EYS: variants seen among roughly 807,000 people sequenced by gnomAD.
The protein encoded by EYS is protein eyes shut homolog.
In EYS, 250 loss-of-function variants were observed where a neutral mutation model predicts 282.1. That is an observed-to-expected ratio of 0.89 (90% confidence interval 0.80 to 0.98). The LOEUF (loss-of-function observed/expected upper bound fraction) is 0.98, where lower values mean the gene tolerates loss of function less well. Ranked by LOEUF, EYS falls within the 50% of genes least tolerant of loss-of-function variation. The pLI, the probability that EYS is intolerant of heterozygous loss-of-function variation, is 0.00. For missense variants in EYS, 4,016 were observed against 3,709.0 expected, an observed-to-expected ratio of 1.08 and a Z score of -2.15; for synonymous variants, 1,355 against 1,282.9, an observed-to-expected ratio of 1.06 and a Z score of -1.20.
intron 26 of EYS, among the ~76,000 whole-genome samples, chr6:64,447,661 T>A (rs1775162435): frequency 6.6e-6 from 1 of 152,182 alleles, no homozygotes; most frequent in African/African-American, 2.4e-5. Flanking sequence ...TCAATAATAC[T>A]GAAATTAAAA....
intron 26 of EYS, among the ~76,000 whole-genome samples, chr6:64,483,187 C>T (rs1317776401): frequency 6.6e-6 from 1 of 151,486 alleles, no homozygotes; most frequent in Non-Finnish European, 1.5e-5. Flanking sequence ...AAGCCATGGA[C>T]AATATGTAAA....
intron 26 of EYS, among the ~76,000 whole-genome samples, chr6:64,444,495 A>G (rs1419955618): frequency 6.6e-6 from 1 of 152,208 alleles, no homozygotes; most frequent in Non-Finnish European, 1.5e-5. Flanking sequence ...TATTTTATAG[A>G]CTAAATTTTA....
chr6:63,846,450 G>A (rs907200488), intron 36 of EYS, among the ~76,000 whole-genome samples: 2 of 152,146 alleles, frequency 1.3e-5, no homozygotes, highest in South Asian at 4.1e-4. Flanking sequence ...ACAATTTCAA[G>A]TTGGTTTAAT....
Position 64,310,651 on chromosome 6 carries a change from T to A in EYS, c.6079-3569A>T, listed in dbSNP as rs547799574. 9.2e-5 allele frequency among the ~76,000 whole-genome samples: 14 copies of A among 152,198 alleles called. No homozygotes were observed. The South Asian group carries it at 1.5e-3, about 16-fold the overall frequency. On this transcript the variant is annotated intron_variant, in intron 29 of 42. Coordinates refer to ENST00000503581, the MANE Select transcript of EYS (RefSeq NM_001142800.2). ...ACTAATATGTACTAGGCTTAATACCTCAATGATGAAATAATCTGTACAACA... is the reference window on the plus strand; with the variant it reads ...ACTAATATGTACTAGGCTTAATACCACAATGATGAAATAATCTGTACAACA...
intron 14 of EYS, among the ~76,000 whole-genome samples, chr6:64,989,393 TAATATATATATATATATATATATG>T: frequency 3.8e-5 from 1 of 26,322 alleles, no homozygotes; most frequent in African/African-American, 2.2e-4. Context: ...TGGCTAGCTG[TAATATATATATATATATATATATG>T]AATATATATG....
At chr6:64,767,730 G>A (rs1583135009) in intron 22 of EYS, among the ~76,000 whole-genome samples, 1 of 152,064 alleles carries the variant, frequency 6.6e-6, no homozygotes, top group East Asian at 1.9e-4. Flanking sequence ...GTTGTGGATA[G>A]TGCTGCAATA....
intron 1 of EYS, among the ~76,000 whole-genome samples, chr6:65,656,140 C>A (rs547232630): frequency 6.6e-5 from 10 of 151,834 alleles, no homozygotes; most frequent in South Asian, 2.1e-4. Flanking sequence ...ATTCTGACTG[C>A]TCCACCCACT....
intron 38 of EYS, 88 bp downstream of exon 38, chr6:63,788,970 T>C: frequency 7.5e-7 from 1 of 1,338,162 alleles, no homozygotes; most frequent in Non-Finnish European, 1.0e-6. Context: ...GTAGGCATCA[T>C]GGGCTATTCA....
At chr6:64,562,055 C>A (rs991662671) in intron 26 of EYS, among the ~76,000 whole-genome samples, 9 of 151,662 alleles carry the variant, frequency 5.9e-5, no homozygotes, top group African/African-American at 1.9e-4. Context: ...GGCACATAGA[C>A]CAATGGAAAC....
intron 11 of EYS, among the ~76,000 whole-genome samples, chr6:65,317,103 T>C (rs1769315496): frequency 1.3e-5 from 2 of 152,216 alleles, no homozygotes; most frequent in African/African-American, 2.4e-5. Context: ...ATGCTATCAA[T>C]TTATCATTTT....
chr6:64,066,478 ATT>A lies in EYS; in HGVS notation c.6583_6584del (p.Asn2195LeufsTer18). On this transcript the variant is annotated frameshift_variant, in exon 33 of 43. Coordinates refer to ENST00000503581, the MANE Select transcript of EYS (RefSeq NM_001142800.2). LOFTEE classifies it high-confidence loss of function. ...NGTILYSNGN[N>X]CGKQFLHLFL... ...ATAAATGAAGAAACTGCTTTCCACA[ATT>A]ATTCCCATTACCTTTAAGAAAAAAA... 1 of 1,534,550 alleles carries A rather than the reference ATT, an allele frequency of 6.5e-7. No individual in the cohort carries two copies. The highest frequency in any genetic ancestry group is 8.8e-7 in the Non-Finnish European group (1 of 1,132,586).
At chr6:63,739,102 C>G (rs967558490) in intron 41 of EYS, among the ~76,000 whole-genome samples, 2 of 151,948 alleles carry the variant, frequency 1.3e-5, no homozygotes, top group African/African-American at 4.8e-5. Flanking sequence ...GGTATGGTAT[C>G]ATTATTTTTA....
At chr6:65,347,814 G>A (rs1233429791) in intron 9 of EYS, among the ~76,000 whole-genome samples, 1 of 151,054 alleles carries the variant, frequency 6.6e-6, no homozygotes, top group Non-Finnish European at 1.5e-5. Flanking sequence ...TCAGATACTA[G>A]ATCTTACTAA....
rs193025962 is a variant in EYS, at chr6:65,209,348, G to T, written c.2023+86515C>A. ...TACTTGAAAAAACTCCAAGCTTTCT[G>T]CTATATTAAAAGAAAAAATATGTGA... On this transcript the variant is annotated intron_variant, in intron 12 of 42. Transcript: ENST00000503581. Among the ~76,000 whole-genome samples, 985 of 150,930 alleles carry T rather than the reference G, an allele frequency of 6.5e-3. 12 individuals are homozygous for T. The highest frequency in any genetic ancestry group is 0.023 in the African/African-American group (928 of 41,244).
intron 29 of EYS, among the ~76,000 whole-genome samples, chr6:64,357,506 A>G (rs1771862533): frequency 6.6e-6 from 1 of 151,658 alleles, no homozygotes. Flanking sequence ...ATGTTTCTCA[A>G]CTTTCAGACA....
chr6:64,604,150 A>T (rs1766851956), intron 24 of EYS, among the ~76,000 whole-genome samples: 1 of 151,894 alleles, frequency 6.6e-6, no homozygotes, highest in Non-Finnish European at 1.5e-5. Context: ...ATGGCTCCTG[A>T]GAGTCATTGC....
chr6:63,871,027 C>T (rs1772789469), intron 35 of EYS, among the ~76,000 whole-genome samples: 1 of 152,144 alleles, frequency 6.6e-6, no homozygotes, highest in South Asian at 2.1e-4. Context: ...AAAATTTTAG[C>T]CTTCAGCACC....
chr6:65,398,290 C>T (rs1304375401), intron 7 of EYS, among the ~76,000 whole-genome samples: 3 of 151,772 alleles, frequency 2.0e-5, no homozygotes, highest in African/African-American at 2.4e-5. Context: ...AAAATAGACA[C>T]ATAGATTAAT....
At chr6:64,724,985 ACAAAT>A (rs1771705824) in intron 22 of EYS, among the ~76,000 whole-genome samples, 1 of 152,120 alleles carries the variant, frequency 6.6e-6, no homozygotes, top group Non-Finnish European at 1.5e-5. Context: ...AAATGAAAAA[ACAAAT>A]CAAACAAAAA....
Sources: allele counts gnomAD v4.1 joint callset (sites outside exome capture counted in the v4.1 genomes callset), GRCh38; gene constraint gnomAD v4.1.1; transcripts MANE v1.5; gene names NCBI Gene and HGNC (gene_info 2026-07-23, HGNC 2026-07-21).